Variants in MYO6 observed in about 807,000 individuals in gnomAD.
MYO6 encodes the protein myosin VI.
A neutral mutation model predicts 178.7 loss-of-function variants in MYO6; 74 were observed. That is an observed-to-expected ratio of 0.41 (90% CI 0.34 to 0.50). The LOEUF is 0.50. Among genes scored for constraint, MYO6 ranks in the 20% least tolerant of loss-of-function variants. MYO6 has a pLI of 0.09. For synonymous variants in MYO6, 477 were observed against 504.6 expected (o/e 0.95, Z 0.73); for missense variants, 1,330 against 1,547.4 (o/e 0.86, Z 2.36).
intron 1 of MYO6, among the ~76,000 whole-genome samples, chr6:75,757,236 G>C (rs758973515): frequency 8.8e-4 from 128 of 145,342 alleles, no homozygotes; most frequent in Middle Eastern, 3.9e-3. Flanking sequence ...TACATATATA[G>C]ACATACATAC....
In MYO6 at chr6:75,909,729, A is replaced by G. The variant is rs1187241557; in HGVS notation, c.3412+1102A>G. 3.3e-5 allele frequency among the ~76,000 whole-genome samples: 5 copies of G among 152,358 alleles called. No individual in the cohort carries two copies. The East Asian group carries it at 9.6e-4, about 29-fold the overall frequency. On this transcript the variant is annotated intron_variant, in intron 32 of 34. Coordinates refer to ENST00000369977, the MANE Select transcript of MYO6 (RefSeq NM_004999.4). Reference sequence around the variant, plus strand: ...TAATTCTGGTTAACATCAAGGTGACAGCAGATTCAATATTTTGTGTGTTTT... The same window carrying G: ...TAATTCTGGTTAACATCAAGGTGACGGCAGATTCAATATTTTGTGTGTTTT...
At chr6:75,761,422 A>C (rs1049157529) in intron 1 of MYO6, among the ~76,000 whole-genome samples, 1 of 152,214 alleles carries the variant, frequency 6.6e-6, no homozygotes, top group Non-Finnish European at 1.5e-5. Flanking sequence ...ATTTAATTTT[A>C]TATTTTATAG....
intron 1 of MYO6, among the ~76,000 whole-genome samples, chr6:75,784,130 C>A (rs1767271692): frequency 6.6e-6 from 1 of 151,974 alleles, no homozygotes; most frequent in Admixed American, 6.6e-5. Flanking sequence ...TGCCACCATG[C>A]CCGGCTAATT....
chr6:75,787,439 T>C (rs1332950814), intron 1 of MYO6, among the ~76,000 whole-genome samples: 1 of 151,936 alleles, frequency 6.6e-6, no homozygotes, highest in Admixed American at 6.6e-5. Context: ...CACAACAACA[T>C]GCATGAATCT....
intron 20 of MYO6, among the ~76,000 whole-genome samples, chr6:75,878,905 G>C (rs1340675475): frequency 6.6e-6 from 1 of 152,064 alleles, no homozygotes; most frequent in Non-Finnish European, 1.5e-5. Context: ...AGCTCACATT[G>C]ACTCAAGACT....
chr6:75,775,644 G>A (rs1035315274), intron 1 of MYO6, among the ~76,000 whole-genome samples: 4 of 152,048 alleles, frequency 2.6e-5, no homozygotes, highest in African/African-American at 9.7e-5. Flanking sequence ...CCTATAAAAG[G>A]GTCTTCTCCT....
At chr6:75,781,704 G>C (rs1766996485) in intron 1 of MYO6, among the ~76,000 whole-genome samples, 1 of 152,038 alleles carries the variant, frequency 6.6e-6, no homozygotes, top group East Asian at 1.9e-4. Context: ...GGTGGATCAC[G>C]AGGTCAGGAG....
chr6:75,817,757 A>T (rs1008696430), intron 2 of MYO6, 93 bp downstream of exon 2: 1 of 1,088,626 alleles, frequency 9.2e-7, no homozygotes, highest in Non-Finnish European at 1.4e-6. Flanking sequence ...AATGAGGTAG[A>T]TATTTGGGAA....
At chr6:75,788,622 G>C (rs934775520) in intron 1 of MYO6, among the ~76,000 whole-genome samples, 2 of 152,202 alleles carry the variant, frequency 1.3e-5, no homozygotes, top group Non-Finnish European at 2.9e-5. Context: ...ATTTTTGGTA[G>C]AGAAGGTGTT....
rs1195384150 is a variant in MYO6 at position 75,908,624 on chromosome 6, T to C, written c.3409T>C (p.Tyr1137His). 1.2e-6 allele frequency: 2 copies of C among 1,613,500 alleles called. No individual in the cohort carries two copies. The highest frequency in any genetic ancestry group is 1.7e-6 in the Non-Finnish European group (2 of 1,179,594). The change falls in exon 32 of 35, where the codon TAT becomes CAT. Residue 1137 changes from tyrosine (Y) to histidine (H), a missense_variant. Transcript: ENST00000369977. Reference sequence around the variant, plus strand: ...ACGTGCTCCAAAGTCTGTTACTGATTATGGTAAAGAGAAATCTGTACTTTT... The same window carrying C: ...ACGTGCTCCAAAGTCTGTTACTGATCATGGTAAAGAGAAATCTGTACTTTT... ...EQRAPKSVTD[Y>H]DFAPFLNNSP... is the part of the protein sequence containing the mutation.
At chr6:75,854,250 C>T (rs1045474004) in intron 11 of MYO6, among the ~76,000 whole-genome samples, 8 of 145,224 alleles carry the variant, frequency 5.5e-5, no homozygotes, top group African/African-American at 2.1e-4. Context: ...AAAATGCCCA[C>T]ATGGGTCAAG....
chr6:75,849,739 G>T (rs1026822539), intron 11 of MYO6, among the ~76,000 whole-genome samples: 1 of 152,174 alleles, frequency 6.6e-6, no homozygotes, highest in Non-Finnish European at 1.5e-5. Flanking sequence ...ATACGTGCAG[G>T]GGGAAGATGT....
At chr6:75,825,244 G>A (rs961727190) in intron 3 of MYO6, among the ~76,000 whole-genome samples, 1 of 152,122 alleles carries the variant, frequency 6.6e-6, no homozygotes, top group African/African-American at 2.4e-5. Flanking sequence ...GGCACATAAT[G>A]TTCTTCGTGA....
At chr6:75,862,831 G>A in intron 16 of MYO6, 108 bp downstream of exon 16, 3 of 1,279,198 alleles carry the variant, frequency 2.3e-6, no homozygotes, top group South Asian at 2.4e-5. Flanking sequence ...ATTATGGCGT[G>A]TATAGAGCAA....
At chr6:75,767,009 T>C (rs113237333) in intron 1 of MYO6, among the ~76,000 whole-genome samples, 3,260 of 152,130 alleles carry the variant, frequency 0.021, 111 homozygotes, top group African/African-American at 0.074. Flanking sequence ...TATTTTTTTG[T>C]GTCATCTTCC....
At position 75,877,791 on chromosome 6, in the gene MYO6, T is replaced by G. The variant is rs144991282; in HGVS notation, c.2078-2029T>G. Among the ~76,000 whole-genome samples, 637 of 151,950 alleles carry G rather than the reference T, an allele frequency of 4.2e-3. 4 individuals are homozygous for G. Among genetic ancestry groups the G allele is most frequent in the African/African-American group, 0.014 (591 of 41,430 alleles). ...TTGCCTTAGTGGTTAAAAAAAAAAT[T>G]TAAGCTTCAAAACATCTTAAGAGTA... On this transcript the variant is annotated intron_variant, in intron 20 of 34. Coordinates refer to ENST00000369977, the MANE Select transcript of MYO6 (RefSeq NM_004999.4).
chr6:75,804,519 C>T (rs958731101), intron 1 of MYO6, among the ~76,000 whole-genome samples: 8 of 152,120 alleles, frequency 5.3e-5, no homozygotes, highest in African/African-American at 9.7e-5. Context: ...CTCCCCTCCA[C>T]TGGAATTTAA....
intron 33 of MYO6, among the ~76,000 whole-genome samples, chr6:75,912,009 G>A (rs1780793262): frequency 6.6e-6 from 1 of 151,966 alleles, no homozygotes; most frequent in South Asian, 2.1e-4. Flanking sequence ...TCTTAACATA[G>A]CAGCTGACCT....
intron 9 of MYO6, among the ~76,000 whole-genome samples, chr6:75,843,589 T>C (rs1774448767): frequency 6.6e-6 from 1 of 152,060 alleles, no homozygotes; most frequent in South Asian, 2.1e-4. Context: ...ACAATTGGAG[T>C]GAGGAGACAA....
Sources: allele counts gnomAD v4.1 joint callset (sites outside exome capture counted in the v4.1 genomes callset), GRCh38; gene constraint gnomAD v4.1.1; transcripts MANE v1.5; gene names NCBI Gene and HGNC (gene_info 2026-07-23, HGNC 2026-07-21).